The following APOOL variants were observed in gnomAD, a reference collection of about 807,000 sequenced individuals.
The protein encoded by APOOL is apolipoprotein O like.
Under a neutral mutation model 23.1 loss-of-function variants are expected in APOOL, and 12 were observed. That is an observed-to-expected ratio of 0.52 (90% CI 0.33 to 0.84). APOOL has a LOEUF of 0.84. Among genes scored for constraint, APOOL ranks in the 40% least tolerant of loss-of-function variants. The pLI, the probability that APOOL is intolerant of heterozygous loss-of-function variation, is 0.02. For synonymous variants in APOOL, 77 were observed against 69.9 expected, an observed-to-expected ratio of 1.10 and a Z score of -0.51; for missense variants, 212 against 199.6, an observed-to-expected ratio of 1.06 and a Z score of -0.37.
chrX:85,017,817 C>T (rs934636759), intron 1 of APOOL, among the ~76,000 whole-genome samples: 2 of 111,856 alleles, frequency 1.8e-5, no homozygotes, highest in Non-Finnish European at 3.8e-5. Flanking sequence ...TTTTAGATTC[C>T]CCAGTGGAAT....
At chrX:85,038,920 G>C (rs945067819) in intron 1 of APOOL, among the ~76,000 whole-genome samples, 12 of 109,381 alleles carry the variant, frequency 1.1e-4, no homozygotes, top group African/African-American at 3.7e-4. Flanking sequence ...CTATGATTTT[G>C]GTTATTATTT....
chrX:85,062,711 A>G (rs1262416491), intron 5 of APOOL, among the ~76,000 whole-genome samples: 1 of 110,873 alleles, frequency 9.0e-6, no homozygotes, highest in Non-Finnish European at 1.9e-5. Flanking sequence ...ATTCTGCTCC[A>G]TTGGTCTGTG....
rs372664701 is a variant in APOOL, at chrX:85,017,088, G to C, written c.15+13161G>C. On this transcript the variant is annotated intron_variant, in intron 1 of 8. Transcript: ENST00000373173. ...CCAAGAGTTCACGTCTTTTGTACTT[G>C]GTTACCAGGGCAGGTTGGAAAATAC... Among the ~76,000 whole-genome samples, 9 of 111,938 alleles carry C rather than the reference G, an allele frequency of 8.0e-5. No homozygotes were observed. The East Asian group carries it at 1.1e-3, about 14-fold the overall frequency.
chrX:85,092,607 A>G lies in APOOL; in HGVS notation c.*4929A>G. On this transcript the variant is annotated 3_prime_UTR_variant, in exon 9 of 9. Coordinates refer to ENST00000373173, the MANE Select transcript of APOOL (RefSeq NM_198450.6). ...AAATATTACTTTCATTTGAAAGTAT[A>G]ATCTTCGTTAACACATATATTTTAT... The G allele has an allele frequency of 4.6e-6, 5 of 1,087,541 alleles. No homozygotes were observed. The highest frequency in any genetic ancestry group is 6.3e-6 in the Non-Finnish European group (5 of 795,487). 89.6% of individuals were successfully genotyped at this position (1,087,541 alleles called of 1,213,427 possible). A position where few individuals can be genotyped will look rare whatever the true frequency, so the allele number is the denominator to read the frequency against.
chrX:85,016,404 G>T (rs942329531), intron 1 of APOOL, among the ~76,000 whole-genome samples: 4 of 110,000 alleles, frequency 3.6e-5, no homozygotes, highest in African/African-American at 1.3e-4. Context: ...CAGCAGGAAA[G>T]TTATTCACGT....
intron 8 of APOOL, among the ~76,000 whole-genome samples, chrX:85,083,400 C>A (rs530300013): frequency 1.8e-5 from 2 of 111,134 alleles, no homozygotes; most frequent in South Asian, 7.5e-4. Context: ...GTCACAGGGA[C>A]TTGGACTCTG....
rs1924584500 is a variant in APOOL at position 85,093,253 on chromosome X, A to G, written c.*5575A>G. ...TTTAAATAGACAATGCAAAGTGAAA[A>G]CTGCAAATTTCACTTAACTTGTTAT... On this transcript the variant is annotated 3_prime_UTR_variant, in exon 9 of 9. Coordinates refer to ENST00000373173, the MANE Select transcript of APOOL (RefSeq NM_198450.6). 3 of 1,142,203 alleles carry G rather than the reference A, an allele frequency of 2.6e-6. No individual in the cohort carries two copies. The East Asian group carries it at 9.8e-5, about 37-fold the overall frequency. The allele number at this position is 1,142,203 out of a possible 1,213,427, so 94.1% of individuals were successfully genotyped here.
intron 5 of APOOL, among the ~76,000 whole-genome samples, chrX:85,059,469 G>A (rs1377424244): frequency 4.3e-4 from 47 of 109,990 alleles, no homozygotes; most frequent in Admixed American, 4.1e-3. Context: ...TTCCACAATC[G>A]TTGAACTAGT....
intron 1 of APOOL, among the ~76,000 whole-genome samples, chrX:85,035,595 A>G (rs1922190801): frequency 9.0e-6 from 1 of 111,190 alleles, no homozygotes; most frequent in Admixed American, 9.6e-5. Flanking sequence ...TTTACATTTA[A>G]GTCTTTAATC....
chrX:85,054,422 T>C, intron 4 of APOOL, 24 bp downstream of exon 4: 1 of 1,102,391 alleles, frequency 9.1e-7, no homozygotes, highest in Non-Finnish European at 1.2e-6. Context: ...TAATTAGAAA[T>C]GTTTTATTGT....
At chrX:85,073,815 A>G (rs1251479648) in intron 6 of APOOL, among the ~76,000 whole-genome samples, 183 bp from the exon 7 acceptor site, 3 of 111,656 alleles carry the variant, frequency 2.7e-5, no homozygotes, top group African/African-American at 6.5e-5. Flanking sequence ...TAACCTTTGC[A>G]TGACACAAAA....
chrX:85,034,376 T>C (rs972099097), intron 1 of APOOL, among the ~76,000 whole-genome samples: 8 of 111,727 alleles, frequency 7.2e-5, no homozygotes, highest in Non-Finnish European at 1.1e-4. Context: ...TGCTACATGA[T>C]AGAGAATAAT....
At chrX:85,081,229 G>A (rs183972695) in intron 8 of APOOL, among the ~76,000 whole-genome samples, 1,218 of 111,397 alleles carry the variant, frequency 0.011, 23 homozygotes, top group African/African-American at 0.039. Flanking sequence ...AGTGGTACCG[G>A]TTGTTCCTTT....
chrX:85,062,449 T>C (rs1158619715), intron 5 of APOOL, among the ~76,000 whole-genome samples: 1 of 111,992 alleles, frequency 8.9e-6, no homozygotes, highest in East Asian at 2.8e-4. Flanking sequence ...TGCCCATGCC[T>C]ATGTCTGAAT....
rs1924542393 is a variant in APOOL at position 85,092,289 on chromosome X, T to C, written c.*4611T>C. 1 of 866,939 alleles carries C rather than the reference T, an allele frequency of 1.2e-6. No individual in the cohort carries two copies. The highest frequency in any genetic ancestry group is 1.6e-6 in the Non-Finnish European group (1 of 644,550). The allele number at this position is 866,939 out of a possible 1,213,427, so 71.4% of individuals were successfully genotyped here. A position where few individuals can be genotyped will look rare whatever the true frequency, so the allele number is the denominator to read the frequency against. ...AAGATCTGCTCAAACAAGAATGTGATGATCACTTGCTGTATTGTACAACAA... is the reference window on the plus strand; with the variant it reads ...AAGATCTGCTCAAACAAGAATGTGACGATCACTTGCTGTATTGTACAACAA... On this transcript the variant is annotated 3_prime_UTR_variant, in exon 9 of 9. Transcript: ENST00000373173.
chrX:85,036,277 C>G (rs143521749), intron 1 of APOOL, among the ~76,000 whole-genome samples: 3,012 of 111,456 alleles, frequency 0.027, 91 homozygotes, highest in African/African-American at 0.092. Flanking sequence ...GGCTCTCTAC[C>G]TGGATGTTGA....
chrX:85,078,285 T>A (rs1303379776), intron 8 of APOOL, among the ~76,000 whole-genome samples: 1 of 112,018 alleles, frequency 8.9e-6, no homozygotes, highest in Non-Finnish European at 1.9e-5. Context: ...AAGGAAGGGA[T>A]CCAGTTTCAG....
Position 85,012,090 on chromosome X carries a change from G to C in APOOL, c.15+8163G>C, listed in dbSNP as rs1427764906. On this transcript the variant is annotated intron_variant, in intron 1 of 8. Coordinates refer to ENST00000373173, the MANE Select transcript of APOOL (RefSeq NM_198450.6). ...AGTTTTTTTGTTTGTTTATTTTTTT[G>C]TTTCTGTTTTGCAGCTGTCGTAAAA... 2.7e-5 allele frequency among the ~76,000 whole-genome samples: 3 copies of C among 110,609 alleles called. No individual in the cohort carries two copies. The East Asian group carries it at 8.5e-4, about 31-fold the overall frequency.
chrX:85,051,778 G>A (rs770308862), intron 3 of APOOL, among the ~76,000 whole-genome samples: 2 of 111,679 alleles, frequency 1.8e-5, no homozygotes, highest in Non-Finnish European at 3.8e-5. Context: ...TTGCATCTCT[G>A]GCACCTTGTT....
Sources: allele counts gnomAD v4.1 joint callset (sites outside exome capture counted in the v4.1 genomes callset), GRCh38; gene constraint gnomAD v4.1.1; transcripts MANE v1.5; gene names NCBI Gene and HGNC (gene_info 2026-07-23, HGNC 2026-07-21).